The following JPH2 variants were observed in gnomAD, a reference collection of about 807,000 sequenced individuals.
JPH2 encodes junctophilin 2, also known as junctophilin-2.
A neutral mutation model predicts 55.9 loss-of-function variants in JPH2; 38 were observed. The ratio of observed to expected loss-of-function variants is 0.68; its 90% CI spans 0.52 to 0.89. The LOEUF (loss-of-function observed/expected upper bound fraction) is 0.89. JPH2 is among the 40% of genes least tolerant of loss of function. JPH2 has a pLI of 0.00. For synonymous variants in JPH2, 480 were observed against 472.4 expected, an observed-to-expected ratio of 1.02 and a Z score of -0.21; for missense variants, 964 against 1,037.6, an observed-to-expected ratio of 0.93 and a Z score of 0.97.
intron 2 of JPH2, among the ~76,000 whole-genome samples, chr20:44,122,431 A>G (rs2072244037): frequency 6.6e-6 from 1 of 152,270 alleles, no homozygotes; most frequent in Non-Finnish European, 1.5e-5. Context: ...AAGAGGAATC[A>G]CATTTTAATG....
chr20:44,115,033 C>T (rs1266835533), intron 4 of JPH2, among the ~76,000 whole-genome samples, 157 bp from the exon 5 acceptor site: 4 of 152,122 alleles, frequency 2.6e-5, no homozygotes, highest in African/African-American at 4.8e-5. Flanking sequence ...ACCTGGATGG[C>T]AGACCATCAC....
At chr20:44,184,519 A>G (rs2072815631) in intron 1 of JPH2, among the ~76,000 whole-genome samples, 1 of 152,188 alleles carries the variant, frequency 6.6e-6, no homozygotes, top group Admixed American at 6.5e-5. Context: ...TAACTGGTGG[A>G]TCAATGGTGC....
Position 44,107,781 on chromosome 20 carries a change from A to T in JPH2, c.*5737T>A, listed in dbSNP as rs950722180. Among the ~76,000 whole-genome samples the T allele has an allele frequency of 6.6e-6, 1 of 152,226 alleles. No homozygotes were observed. Among genetic ancestry groups the T allele is most frequent in the African/African-American group, 2.4e-5 (1 of 41,458 alleles). On this transcript the variant is annotated 3_prime_UTR_variant, in exon 6 of 6. Transcript: ENST00000372980. ...TCAGTCTAGTGGAGAAGCTGTGGAT[A>T]GGAAGAGATACAGGGTTGTGTAGTT... is the stretch of plus-strand genomic sequence containing the variant.
At chr20:44,136,129 C>A (rs2072411540) in intron 2 of JPH2, among the ~76,000 whole-genome samples, 1 of 152,124 alleles carries the variant, frequency 6.6e-6, no homozygotes, top group Admixed American at 6.6e-5. Flanking sequence ...TTCATGGAAG[C>A]CTTGGGCAAT....
intron 3 of JPH2, 27 bp from the exon 4 acceptor site, chr20:44,116,413 G>A (rs1376342647): frequency 3.2e-6 from 5 of 1,544,714 alleles, no homozygotes; most frequent in Non-Finnish European, 4.4e-6. Flanking sequence ...GGGAGGCTGG[G>A]CTCGAACCCC....
chr20:44,117,885 C>G (rs875669), intron 3 of JPH2, among the ~76,000 whole-genome samples: 61,709 of 152,100 alleles, frequency 0.41, 12,991 homozygotes, highest in East Asian at 0.58. Context: ...GGGAATGTAC[C>G]TTACATGCAT....
chr20:44,123,696 C>G (rs1432347794), intron 2 of JPH2, among the ~76,000 whole-genome samples: 1 of 152,198 alleles, frequency 6.6e-6, no homozygotes, highest in Non-Finnish European at 1.5e-5. Context: ...ATCTTCATCA[C>G]CCGGAAGCTC....
intron 2 of JPH2, among the ~76,000 whole-genome samples, chr20:44,119,202 A>G (rs940644955): frequency 8.5e-5 from 13 of 152,264 alleles, no homozygotes; most frequent in Non-Finnish European, 1.9e-4. Flanking sequence ...ATTAAACAAA[A>G]TATCAGGTCT....
Position 44,160,501 on chromosome 20 carries a change from C to T in JPH2, c.380-94G>A, listed in dbSNP as rs2072603106. ...AGGGCAAGGGCGGGAGTGGGCAAGGCGGGGTGGGACCGAGAGGCGCAAGGC... is the reference window on the plus strand; with the variant it reads ...AGGGCAAGGGCGGGAGTGGGCAAGGTGGGGTGGGACCGAGAGGCGCAAGGC... On this transcript the variant is annotated intron_variant, in intron 1 of 5. Transcript: ENST00000372980. This position sits in a 1 kb window ranked among gnomAD's most constrained non-coding sequence, Gnocchi z 4.9. The T allele has an allele frequency of 7.5e-7, 1 of 1,341,558 alleles. No homozygotes were observed. The highest frequency in any genetic ancestry group is 1.4e-5 in the African/African-American group (1 of 69,478). 83.1% of individuals were successfully genotyped at this position (1,341,558 alleles called of 1,614,324 possible). A position where few individuals can be genotyped will look rare whatever the true frequency, so the allele number is the denominator to read the frequency against.
At chr20:44,129,556 AAAAAAAAAAAAAAC>A (rs1335490771) in intron 2 of JPH2, among the ~76,000 whole-genome samples, 22 of 97,882 alleles carry the variant, frequency 2.2e-4, no homozygotes, top group African/African-American at 7.8e-4. Flanking sequence ...CTGTCTCAAA[AAAAAAAAAAAAAAC>A]AAAAAAAACA....
intron 1 of JPH2, among the ~76,000 whole-genome samples, chr20:44,185,065 G>T (rs1007014867): frequency 6.6e-6 from 1 of 152,122 alleles, no homozygotes; most frequent in African/African-American, 2.4e-5. Context: ...CGTGAGCCAC[G>T]GAGTCCAAGA....
At chr20:44,126,172 A>AAGGAAGGAAGGAAGGG (rs2072275175) in intron 2 of JPH2, among the ~76,000 whole-genome samples, 1 of 42,422 alleles carries the variant, frequency 2.4e-5, no homozygotes, top group East Asian at 1.0e-3. Context: ...GGGAGGGAGG[A>AAGGAAGGAAGGAAGGG]AGGAAGGAAG....
chr20:44,129,363 T>C (rs1453104823), intron 2 of JPH2, among the ~76,000 whole-genome samples: 1 of 152,100 alleles, frequency 6.6e-6, no homozygotes, highest in Non-Finnish European at 1.5e-5. Flanking sequence ...AAGACCAGCC[T>C]GGCCAACATG....
intron 4 of JPH2, 131 bp from the exon 5 acceptor site, chr20:44,115,007 A>G: frequency 1.4e-6 from 1 of 735,304 alleles, no homozygotes; most frequent in Non-Finnish European, 2.4e-6. Context: ...GGCTTTGTTC[A>G]CTGCTGTATC....
chr20:44,121,197 C>T (rs2072233770), intron 2 of JPH2, among the ~76,000 whole-genome samples: 1 of 152,000 alleles, frequency 6.6e-6, no homozygotes, highest in South Asian at 2.1e-4. Flanking sequence ...TACGTTAGGC[C>T]CCTAAGAGGT....
Position 44,107,563 on chromosome 20 carries a change from C to T in JPH2, c.*5955G>A, listed in dbSNP as rs1296761332. Among the ~76,000 whole-genome samples the T allele has an allele frequency of 2.0e-5, 3 of 152,146 alleles. No homozygotes were observed. Among genetic ancestry groups the T allele is most frequent in the Non-Finnish European group, 4.4e-5 (3 of 68,022 alleles). On this transcript the variant is annotated 3_prime_UTR_variant, in exon 6 of 6. Coordinates refer to ENST00000372980, the MANE Select transcript of JPH2 (RefSeq NM_020433.5). ...TGGCAGATGCAGAGACCAAAAAAGCCCTAGGATATGTAGAACCACAGATGG... is the reference window on the plus strand; with the variant it reads ...TGGCAGATGCAGAGACCAAAAAAGCTCTAGGATATGTAGAACCACAGATGG...
chr20:44,185,581 G>A (rs2072829036), intron 1 of JPH2, among the ~76,000 whole-genome samples: 2 of 151,726 alleles, frequency 1.3e-5, no homozygotes, highest in Admixed American at 1.3e-4. Context: ...GCTGCAAAGA[G>A]CCGAGATCAT....
Position 44,144,466 on chromosome 20 carries a change from C to T in JPH2, c.1169+15152G>A, listed in dbSNP as rs6103650. On this transcript the variant is annotated intron_variant, in intron 2 of 5. Coordinates refer to ENST00000372980, the MANE Select transcript of JPH2 (RefSeq NM_020433.5). ...GCTGTTACTGTCCCCATTCTACAGA[C>T]GAGGAAAGGGAGGCTTAGGGAAGAC... Among the ~76,000 whole-genome samples the T allele has an allele frequency of 7.0e-3, 1,065 of 152,162 alleles. 17 individuals carry two copies. The highest frequency in any genetic ancestry group is 0.024 in the African/African-American group (989 of 41,500).
chr20:44,107,306 A>G lies in JPH2; in HGVS notation c.*6212T>C, dbSNP rs1569175407. ...TCTGCCCCGAGACCTAAGTGGGACA[A>G]TGGGGATGGTACTACAGGCTGTACT... On this transcript the variant is annotated 3_prime_UTR_variant, in exon 6 of 6. Coordinates refer to ENST00000372980, the MANE Select transcript of JPH2 (RefSeq NM_020433.5). Among the ~76,000 whole-genome samples, 1 of 152,200 alleles carries G rather than the reference A, an allele frequency of 6.6e-6. No individual in the cohort carries two copies. The highest frequency in any genetic ancestry group is 1.9e-4 in the East Asian group (1 of 5,184).
Sources: gnomAD v4.1 joint callset for allele counts (sites outside exome capture counted in the v4.1 genomes callset) on GRCh38, gnomAD v4.1.1 for gene constraint, Gnocchi (gnomAD v3.1) non-coding constraint, MANE v1.5 for transcripts, NCBI Gene and HGNC (gene_info 2026-07-23, HGNC 2026-07-21) for gene names.